Variants in PCDHA5 observed in about 807,000 individuals in gnomAD.
The protein encoded by PCDHA5 is protocadherin alpha-5.
A neutral mutation model predicts 61.6 loss-of-function variants in PCDHA5; 43 were observed. That is an observed-to-expected ratio of 0.70 (90% CI 0.55 to 0.90). The LOEUF (loss-of-function observed/expected upper bound fraction) is 0.90, where lower values mean the gene tolerates loss of function less well. Ranked by LOEUF, PCDHA5 falls within the 40% of genes least tolerant of loss-of-function variation. PCDHA5 has a pLI of 0.00. For missense variants in PCDHA5, 1,298 were observed against 1,222.7 expected (o/e 1.06, Z -0.92); for synonymous variants, 627 against 543.9 (o/e 1.15, Z -2.13).
chr5:140,895,023 T>C (rs781895966), intron 1 of PCDHA5, among the ~76,000 whole-genome samples: 2 of 152,204 alleles, frequency 1.3e-5, no homozygotes, highest in Non-Finnish European at 2.9e-5. Flanking sequence ...TTTCCTTTGT[T>C]TAATTGTCCC....
At chr5:140,928,427 C>T in intron 1 of PCDHA5, 1 of 1,614,132 alleles carries the variant, frequency 6.2e-7, no homozygotes. Flanking sequence ...GCCAAAACTT[C>T]CTTTGACTTT....
chr5:140,942,359 C>T (rs943225700), intron 1 of PCDHA5, among the ~76,000 whole-genome samples: 5 of 151,564 alleles, frequency 3.3e-5, no homozygotes, highest in Non-Finnish European at 5.9e-5. Flanking sequence ...TTGCAGTTAA[C>T]GGAGATTGCA....
chr5:140,967,332 C>G, intron 1 of PCDHA5: 2 of 1,608,024 alleles, frequency 1.2e-6, no homozygotes, highest in Non-Finnish European at 1.7e-6. Context: ...GAGCTCAGCC[C>G]CAGCGAGCAC....
At chr5:140,859,579 G>A in intron 1 of PCDHA5, 1 of 171,440 alleles carries the variant, frequency 5.8e-6, no homozygotes, top group Non-Finnish European at 1.2e-5. Flanking sequence ...TTGTCATCTT[G>A]CCTATGGCTC....
Position 140,823,973 on chromosome 5 carries a change from G to A in PCDHA5, c.2198G>A (p.Arg733Gln). The change falls in exon 1 of 4, where the codon CGG (arginine) becomes CAG (glutamine). Residue 733 changes from arginine to glutamine, a missense_variant. Physicochemically the swap from Arg to Gln is conservative, Grantham distance 43 (BLOSUM62 1). Transcript: ENST00000529859. ...SAQPTEAVCTRGKPTLLCSSA... is the reference protein window; with the variant it reads ...SAQPTEAVCTQGKPTLLCSSA... ...CAGCCCACCGAGGCCGTGTGCACAC[G>A]GGGCAAGCCCACTCTGTTGTGCTCC... The A allele has an allele frequency of 6.2e-7, 1 of 1,614,090 alleles. No individual in the cohort carries two copies. The highest frequency in any genetic ancestry group is 1.1e-5 in the South Asian group (1 of 91,080).
intron 3 of PCDHA5, among the ~76,000 whole-genome samples, chr5:141,007,475 C>T (rs575810038): frequency 1.2e-4 from 18 of 151,396 alleles, no homozygotes; most frequent in Non-Finnish European, 2.1e-4. Flanking sequence ...GGCTGAGGCA[C>T]GAGAATTACT....
chr5:140,946,405 T>C (rs1554217546), intron 1 of PCDHA5, among the ~76,000 whole-genome samples: 1 of 151,592 alleles, frequency 6.6e-6, no homozygotes, highest in South Asian at 2.1e-4. Context: ...AGTACAATCA[T>C]AGAAAACAAT....
chr5:140,856,328 C>A, intron 1 of PCDHA5: 1 of 1,598,592 alleles, frequency 6.3e-7, no homozygotes. Context: ...CCGCGAGGAG[C>A]TGTGCGGGCG....
At chr5:140,990,284 T>C (rs2097384646) in intron 3 of PCDHA5, among the ~76,000 whole-genome samples, 1 of 152,142 alleles carries the variant, frequency 6.6e-6, no homozygotes, top group African/African-American at 2.4e-5. Flanking sequence ...GGTCTTGAGA[T>C]TATCGATGCC....
chr5:140,944,871 C>T (rs1370417254), intron 1 of PCDHA5, among the ~76,000 whole-genome samples: 1 of 152,110 alleles, frequency 6.6e-6, no homozygotes, highest in Non-Finnish European at 1.5e-5. Flanking sequence ...ATCTTAACCA[C>T]CTACTCCACT....
chr5:140,923,527 C>T (rs2081405445), intron 1 of PCDHA5, among the ~76,000 whole-genome samples: 1 of 151,652 alleles, frequency 6.6e-6, no homozygotes, highest in South Asian at 2.1e-4. Context: ...AGATTCTGTC[C>T]CAAAAAAAGG....
rs2150121696 is a variant in PCDHA5 at position 140,823,053 on chromosome 5, G to C, written c.1278G>C (p.Ala426=). 3 of 1,614,190 alleles carry C rather than the reference G, an allele frequency of 1.9e-6. No homozygotes were observed. In the Admixed American group the frequency reaches 5.0e-5, roughly 27 times the overall value. Residue 426 remains alanine, a synonymous_variant, in exon 1 of 4, where the codon GCG becomes GCC. Coordinates refer to ENST00000529859, the MANE Select transcript of PCDHA5 (RefSeq NM_018908.3). ...SVSVYELVVT[A]RDGGSPSLWA... is the part of the protein sequence containing the mutation. ...CGGTCTATGAGCTGGTGGTGACCGC[G>C]CGGGACGGGGGCTCGCCTTCGCTGT...
chr5:140,985,739 CTTTTT>C (rs11372071), intron 3 of PCDHA5, among the ~76,000 whole-genome samples: 1 of 117,916 alleles, frequency 8.5e-6, no homozygotes, highest in Non-Finnish European at 1.7e-5. Context: ...TGATGAATTC[CTTTTT>C]TTTTTTTTTT....
intron 1 of PCDHA5, among the ~76,000 whole-genome samples, chr5:140,920,730 G>A (rs902169780): frequency 6.6e-6 from 1 of 152,058 alleles, no homozygotes; most frequent in Non-Finnish European, 1.5e-5. Context: ...TGCAGTCCCA[G>A]CTACTCAGGA....
At chr5:140,969,146 AAGGCCTGTCTGACAGC>A in intron 1 of PCDHA5, 1 of 1,614,170 alleles carries the variant, frequency 6.2e-7, no homozygotes, top group Non-Finnish European at 8.5e-7. Flanking sequence ...CTACTGCTAC[AAGGCCTGTCTGACAGC>A]AGGCTCAGGG....
At chr5:140,926,183 C>A (rs1287609954) in intron 1 of PCDHA5, among the ~76,000 whole-genome samples, 2 of 151,712 alleles carry the variant, frequency 1.3e-5, no homozygotes, top group African/African-American at 4.8e-5. Context: ...GGAAAGCCCC[C>A]CGCAGCACTT....
intron 1 of PCDHA5, chr5:140,828,671 C>T (rs150883390): frequency 1.2e-6 from 2 of 1,614,058 alleles, no homozygotes; most frequent in Non-Finnish European, 8.5e-7. Flanking sequence ...ACAAATTGGG[C>T]TCTTATTAAA....
chr5:140,843,397 G>A lies in PCDHA5; in HGVS notation c.2352+19270G>A, dbSNP rs2150359226. 4 of 1,596,068 alleles carry A rather than the reference G, an allele frequency of 2.5e-6. No homozygotes were observed. In the East Asian group the frequency reaches 6.7e-5, roughly 27 times the overall value. On this transcript the variant is annotated intron_variant, in intron 1 of 3. Coordinates refer to ENST00000529859, the MANE Select transcript of PCDHA5 (RefSeq NM_018908.3). ...CTGGCGTTTTGGGTCCGGAAGCGGC[G>A]CTGGTGGATGTCAACGTGTACCTGA... is the stretch of plus-strand genomic sequence containing the variant.
intron 1 of PCDHA5, among the ~76,000 whole-genome samples, chr5:140,913,757 T>C (rs577091404): frequency 6.6e-6 from 1 of 152,282 alleles, no homozygotes; most frequent in South Asian, 2.1e-4. Context: ...TTGTATCTCA[T>C]AGGTTTTGGC....
Sources: gnomAD v4.1 joint callset for allele counts (sites outside exome capture counted in the v4.1 genomes callset) on GRCh38, gnomAD v4.1.1 for gene constraint, MANE v1.5 for transcripts, NCBI Gene and HGNC (gene_info 2026-07-23, HGNC 2026-07-21) for gene names.